The following CCDC171 variants were observed in gnomAD, a reference collection of about 807,000 sequenced individuals.
CCDC171 encodes coiled-coil domain containing 171.
A neutral mutation model predicts 168.2 loss-of-function variants in CCDC171; 177 were observed. The ratio of observed to expected loss-of-function variants is 1.05; its 90% confidence interval spans 0.93 to 1.19. CCDC171 has a LOEUF of 1.19. Among genes scored for constraint, CCDC171 ranks in the 50% most tolerant of loss-of-function variants. The probability of loss-of-function intolerance (pLI) is 0.00; values close to 1 mark genes in which losing one functional copy is unlikely to be tolerated. For missense variants in CCDC171, 1,991 were observed against 1,539.0 expected (o/e 1.29, Z -4.91); for synonymous variants, 687 against 540.8 (o/e 1.27, Z -3.75).
chr9:15,608,767 C>T (rs1470120999), intron 6 of CCDC171, among the ~76,000 whole-genome samples: 1 of 146,980 alleles, frequency 6.8e-6, no homozygotes, highest in African/African-American at 2.5e-5. Context: ...GCCTGGGCAA[C>T]AGAGACACTC....
intron 24 of CCDC171, among the ~76,000 whole-genome samples, chr9:15,909,315 C>A (rs1353262859): frequency 6.6e-6 from 1 of 152,124 alleles, no homozygotes; most frequent in Non-Finnish European, 1.5e-5. Flanking sequence ...GTGATCCTTT[C>A]TACTTTCTAT....
intron 21 of CCDC171, among the ~76,000 whole-genome samples, chr9:15,827,077 G>T (rs549962183): frequency 9.9e-5 from 15 of 152,282 alleles, no homozygotes; most frequent in Admixed American, 5.9e-4. Context: ...TTGCTGTTAG[G>T]CTGGGCAACC....
chr9:15,689,867 C>A (rs2050666914), intron 10 of CCDC171, among the ~76,000 whole-genome samples: 1 of 151,986 alleles, frequency 6.6e-6, no homozygotes, highest in East Asian at 1.9e-4. Flanking sequence ...TATCAATGGA[C>A]CAGAATTGAG....
At chr9:15,667,002 A>G (rs1178219678) in intron 9 of CCDC171, among the ~76,000 whole-genome samples, 2 of 152,192 alleles carry the variant, frequency 1.3e-5, no homozygotes, top group South Asian at 2.1e-4. Flanking sequence ...TCTTTTACAG[A>G]TGTGGAAATT....
chr9:15,813,887 A>G (rs1351433275), intron 21 of CCDC171, among the ~76,000 whole-genome samples: 1 of 152,162 alleles, frequency 6.6e-6, no homozygotes, highest in African/African-American at 2.4e-5. Flanking sequence ...CAATTTTTTA[A>G]TTTAATTTAG....
chr9:15,798,183 T>C (rs1042600467), intron 21 of CCDC171, among the ~76,000 whole-genome samples: 8 of 152,176 alleles, frequency 5.3e-5, no homozygotes, highest in African/African-American at 1.9e-4. Context: ...CATTTTCTTG[T>C]AAGATATTAA....
downstream of CCDC171, among the ~76,000 whole-genome samples, chr9:16,063,406 C>T (rs527475435): frequency 2.0e-4 from 30 of 152,250 alleles, no homozygotes; most frequent in African/African-American, 7.2e-4. Flanking sequence ...CACAAGCCCT[C>T]AAGACGTGTT....
At chr9:15,983,730 A>T (rs530119506) in intron 3 of CCDC171, among the ~76,000 whole-genome samples, 1 of 150,406 alleles carries the variant, frequency 6.6e-6, no homozygotes, top group South Asian at 2.1e-4. Context: ...GATGGATGTG[A>T]TTGCCTGCAA....
chr9:15,612,957 G>T (rs2043810799), intron 6 of CCDC171, among the ~76,000 whole-genome samples: 1 of 152,142 alleles, frequency 6.6e-6, no homozygotes, highest in Admixed American at 6.5e-5. Context: ...TGTAGTGGGT[G>T]GTCCTAGGCT....
At chr9:15,627,382 C>A (rs1407114638) in intron 7 of CCDC171, among the ~76,000 whole-genome samples, 1 of 151,946 alleles carries the variant, frequency 6.6e-6, no homozygotes, top group Non-Finnish European at 1.5e-5. Flanking sequence ...TTTGCTCTTG[C>A]TTCTGTAGTT....
chr9:15,717,595 G>A (rs192917404), intron 11 of CCDC171, among the ~76,000 whole-genome samples: 90 of 152,350 alleles, frequency 5.9e-4, no homozygotes, highest in African/African-American at 2.0e-3. Flanking sequence ...TGCTTAAGAG[G>A]TGAGGGAAGA....
At chr9:15,710,423 C>T (rs577888632) in intron 11 of CCDC171, among the ~76,000 whole-genome samples, 9 of 152,192 alleles carry the variant, frequency 5.9e-5, no homozygotes, top group Admixed American at 2.0e-4. Context: ...CTGCCTCAGC[C>T]TCCCAGGTAG....
At chr9:15,708,673 A>G (rs1337962702) in intron 11 of CCDC171, among the ~76,000 whole-genome samples, 1 of 151,320 alleles carries the variant, frequency 6.6e-6, no homozygotes, top group Non-Finnish European at 1.5e-5. Flanking sequence ...AGGAATCAAG[A>G]CAAAAAAAAA....
chr9:15,917,506 T>TG (rs570302150), intron 24 of CCDC171, among the ~76,000 whole-genome samples: 222 of 151,886 alleles, frequency 1.5e-3, no homozygotes, highest in African/African-American at 5.1e-3. Flanking sequence ...AAGTAGTATG[T>TG]GGTTTATATT....
At chr9:15,602,143 A>G (rs1041604364) in intron 6 of CCDC171, among the ~76,000 whole-genome samples, 1 of 152,090 alleles carries the variant, frequency 6.6e-6, no homozygotes, top group Non-Finnish European at 1.5e-5. Context: ...CTGTTTCTCA[A>G]TTTCTTGTCC....
chr9:15,840,573 G>A (rs79599706), intron 21 of CCDC171, among the ~76,000 whole-genome samples: 1,931 of 152,180 alleles, frequency 0.013, 47 homozygotes, highest in African/African-American at 0.043. Flanking sequence ...GCATCATGAT[G>A]GTTGTCATCT....
intron 23 of CCDC171, among the ~76,000 whole-genome samples, chr9:15,856,630 A>G (rs1272129972): frequency 6.6e-6 from 1 of 152,014 alleles, no homozygotes; most frequent in East Asian, 1.9e-4. Flanking sequence ...GGTTGTTTCC[A>G]GATCTTGGCT....
chr9:15,938,906 G>A (rs920984187), intron 25 of CCDC171, among the ~76,000 whole-genome samples: 1 of 151,788 alleles, frequency 6.6e-6, no homozygotes, highest in African/African-American at 2.4e-5. Flanking sequence ...ATGCCATATG[G>A]ATAGTATACA....
At chr9:15,577,974 A>C (rs1213741637) in intron 3 of CCDC171, among the ~76,000 whole-genome samples, 1 of 152,234 alleles carries the variant, frequency 6.6e-6, no homozygotes, top group African/African-American at 2.4e-5. Flanking sequence ...ACCTTCTGTC[A>C]TGCTACTTTG....
Sources: gnomAD v4.1 joint callset for allele counts (sites outside exome capture counted in the v4.1 genomes callset) on GRCh38, gnomAD v4.1.1 for gene constraint, MANE v1.5 for transcripts, NCBI Gene and HGNC (gene_info 2026-07-23, HGNC 2026-07-21) for gene names.